FMNL2: variants seen among roughly 807,000 people sequenced by gnomAD.
FMNL2 encodes the protein formin like 2, also known as formin-like protein 2.
Under a neutral mutation model 130.2 loss-of-function variants are expected in FMNL2, and 51 were observed. The observed-to-expected ratio is 0.39, with a 90% CI of 0.31 to 0.49. The LOEUF is 0.49. Ranked by LOEUF, FMNL2 falls within the 20% of genes least tolerant of loss-of-function variation. FMNL2 has a pLI of 0.85. For missense variants in FMNL2, 977 were observed against 1,316.2 expected (o/e 0.74, Z 3.99); for synonymous variants, 465 against 467.1 (o/e 1.00, Z 0.06).
intron 1 of FMNL2, chr2:152,390,693 T>C: frequency 5.3e-6 from 4 of 752,650 alleles, no homozygotes; most frequent in African/African-American, 1.7e-5. Context: ...CAACCTTCTT[T>C]CCCACTCTTC....
intron 9 of FMNL2, among the ~76,000 whole-genome samples, chr2:152,601,858 C>T (rs535980147): frequency 1.8e-4 from 27 of 151,794 alleles, no homozygotes; most frequent in African/African-American, 5.1e-4. Flanking sequence ...CTAGTAGAAA[C>T]GGGGTTTCAC....
intron 23 of FMNL2, among the ~76,000 whole-genome samples, chr2:152,638,852 T>C (rs1682842767): frequency 6.6e-6 from 1 of 152,204 alleles, no homozygotes; most frequent in African/African-American, 2.4e-5. Context: ...TAAAAACATG[T>C]AAGTCTAAGG....
intron 1 of FMNL2, among the ~76,000 whole-genome samples, chr2:152,459,913 T>C (rs1689151821): frequency 6.6e-6 from 1 of 152,216 alleles, no homozygotes; most frequent in African/African-American, 2.4e-5. Flanking sequence ...GAGACACTTG[T>C]TTTAGAAATC....
At chr2:152,624,987 G>A (rs1681678948) in intron 15 of FMNL2, among the ~76,000 whole-genome samples, 1 of 152,142 alleles carries the variant, frequency 6.6e-6, no homozygotes, top group South Asian at 2.1e-4. Context: ...TGCAGTCCCT[G>A]ATCATCTTCT....
chr2:152,522,251 T>G lies in FMNL2; in HGVS notation c.201+225T>G, dbSNP rs144693720. Reference sequence around the variant, plus strand: ...TTATTAAAAAGACTTCTTGAGAAAATTGGGAATATTTGATTAGTGACTGAG... The same window carrying G: ...TTATTAAAAAGACTTCTTGAGAAAAGTGGGAATATTTGATTAGTGACTGAG... On this transcript the variant is annotated intron_variant, in intron 2 of 25. Transcript: ENST00000288670. Among the ~76,000 whole-genome samples, 370 of 152,264 alleles carry G rather than the reference T, an allele frequency of 2.4e-3. 2 individuals are homozygous for G. The highest frequency in any genetic ancestry group is 0.01 in the Middle Eastern group (3 of 294).
chr2:152,480,313 A>T (rs1690425155), intron 1 of FMNL2, among the ~76,000 whole-genome samples: 1 of 152,168 alleles, frequency 6.6e-6, no homozygotes, highest in Non-Finnish European at 1.5e-5. Flanking sequence ...TACACTTAAG[A>T]TAGGTTAGGT....
chr2:152,482,173 A>G (rs918094282), intron 1 of FMNL2, among the ~76,000 whole-genome samples: 1 of 152,204 alleles, frequency 6.6e-6, no homozygotes, highest in African/African-American at 2.4e-5. Context: ...ATGAAAACCA[A>G]GTTTTCCAAG....
At chr2:152,504,067 T>A (rs1169299665) in intron 1 of FMNL2, among the ~76,000 whole-genome samples, 1 of 152,190 alleles carries the variant, frequency 6.6e-6, no homozygotes, top group Non-Finnish European at 1.5e-5. Flanking sequence ...GGCACGCGCC[T>A]GTAGTCCCAG....
chr2:152,421,405 GCAAC>G (rs1686914564), intron 1 of FMNL2, among the ~76,000 whole-genome samples: 1 of 152,172 alleles, frequency 6.6e-6, no homozygotes, highest in African/African-American at 2.4e-5. Context: ...TTAATAACAT[GCAAC>G]CGTGTTGGGA....
At chr2:152,532,392 C>G (rs1693749017) in intron 2 of FMNL2, among the ~76,000 whole-genome samples, 1 of 152,090 alleles carries the variant, frequency 6.6e-6, no homozygotes, top group South Asian at 2.1e-4. Context: ...TAATAGCGTC[C>G]CTGTTGCTCC....
At chr2:152,379,076 A>T (rs1684323753) in intron 1 of FMNL2, among the ~76,000 whole-genome samples, 1 of 150,344 alleles carries the variant, frequency 6.7e-6, no homozygotes, top group African/African-American at 2.4e-5. Flanking sequence ...TGTATTTTCT[A>T]ATATTCTTTG....
chr2:152,401,966 C>T (rs1216809887), intron 1 of FMNL2, among the ~76,000 whole-genome samples: 4 of 126,764 alleles, frequency 3.2e-5, no homozygotes, highest in African/African-American at 6.2e-5. Context: ...AATGCAGTGG[C>T]GCGATCTCAG....
intron 1 of FMNL2, among the ~76,000 whole-genome samples, chr2:152,427,072 A>C (rs1477367780): frequency 6.6e-6 from 1 of 152,172 alleles, no homozygotes; most frequent in African/African-American, 2.4e-5. Flanking sequence ...GATTGTATCA[A>C]CCTGGTTTGT....
At chr2:152,453,807 C>T (rs888820916) in intron 1 of FMNL2, among the ~76,000 whole-genome samples, 4 of 152,114 alleles carry the variant, frequency 2.6e-5, no homozygotes, top group African/African-American at 4.8e-5. Context: ...AAAGCCAAGG[C>T]GTTAGAGCCT....
chr2:152,567,430 T>C (rs1348174994), intron 6 of FMNL2, among the ~76,000 whole-genome samples: 1 of 152,214 alleles, frequency 6.6e-6, no homozygotes, highest in Non-Finnish European at 1.5e-5. Flanking sequence ...TTGTTTACTT[T>C]TTTCTTTCTT....
intron 1 of FMNL2, among the ~76,000 whole-genome samples, chr2:152,513,635 A>C (rs985537441): frequency 6.6e-6 from 1 of 152,190 alleles, no homozygotes; most frequent in Non-Finnish European, 1.5e-5. Context: ...GTCATAAGAA[A>C]GCAAGCCTTC....
At chr2:152,374,460 C>G (rs1017721838) in intron 1 of FMNL2, among the ~76,000 whole-genome samples, 1 of 152,090 alleles carries the variant, frequency 6.6e-6, no homozygotes, top group Non-Finnish European at 1.5e-5. Context: ...GACTGCTAAT[C>G]TTGTGTCAGT....
chr2:152,498,648 C>T (rs1691644793), intron 1 of FMNL2, among the ~76,000 whole-genome samples: 1 of 152,146 alleles, frequency 6.6e-6, no homozygotes, highest in African/African-American at 2.4e-5. Flanking sequence ...TTCAGCTCTG[C>T]ATTTCGATCT....
intron 1 of FMNL2, among the ~76,000 whole-genome samples, chr2:152,340,218 T>G (rs932598610): frequency 1.3e-5 from 2 of 152,162 alleles, no homozygotes; most frequent in African/African-American, 4.8e-5. Flanking sequence ...TTGCCTAAAA[T>G]TATACAGTTA....
Sources: allele counts gnomAD v4.1 joint callset (sites outside exome capture counted in the v4.1 genomes callset), GRCh38; gene constraint gnomAD v4.1.1; transcripts MANE v1.5; gene names NCBI Gene and HGNC (gene_info 2026-07-23, HGNC 2026-07-21).